The following ZNF654 variants were observed in gnomAD, a reference collection of about 807,000 sequenced individuals.
ZNF654 encodes the protein melanoma-associated antigen.
In ZNF654, 19 loss-of-function variants were observed where a neutral mutation model predicts 95.3. The ratio of observed to expected loss-of-function variants is 0.20; its 90% confidence interval spans 0.14 to 0.29. ZNF654 has a LOEUF of 0.29. Ranked by LOEUF, ZNF654 falls within the 10% of genes least tolerant of loss-of-function variation. ZNF654 has a pLI of 1.00. For missense variants in ZNF654, 1,046 were observed against 1,341.0 expected (o/e 0.78, Z 3.44); for synonymous variants, 413 against 457.9 (o/e 0.90, Z 1.25).
At chr3:88,064,109 C>CTTTTT (rs34753092) in intron 1 of ZNF654, among the ~76,000 whole-genome samples, 1 of 147,904 alleles carries the variant, frequency 6.8e-6, no homozygotes, top group Non-Finnish European at 1.5e-5. Context: ...CGAGCTTCTT[C>CTTTTT]TTTTTTTTTT....
In ZNF654 at chr3:88,144,498, T is replaced by C. The variant is rs1407480465; in HGVS notation, c.*2846T>C. 6.6e-6 allele frequency: 1 copy of C among 152,418 alleles called. No individual in the cohort carries two copies. The highest frequency in any genetic ancestry group is 1.9e-4 in the East Asian group (1 of 5,198). The allele number at this position is 152,418 out of a possible 1,614,324, so 9.4% of individuals were successfully genotyped here. On this transcript the variant is annotated 3_prime_UTR_variant, in exon 9 of 9. Transcript: ENST00000636215. ...ATTACAGATTCAGCAAGAAAGGAAA[T>C]TTGTGCTTCCTTGTTGAATGTTAAA...
In ZNF654 at chr3:88,140,024, C is replaced by G. The variant is rs753558140; in HGVS notation, c.2355C>G (p.Ser785Arg). The G allele has an allele frequency of 6.2e-7, 1 of 1,613,672 alleles. No individual in the cohort carries two copies. Among genetic ancestry groups the G allele is most frequent in the Non-Finnish European group, 8.5e-7 (1 of 1,179,742 alleles). ...TGCGACAAACAGTAATGAAGTGGAGCAAAGGAAAATGCAAATTTTGTCAAA... is the reference window on the plus strand; with the variant it reads ...TGCGACAAACAGTAATGAAGTGGAGGAAAGGAAAATGCAAATTTTGTCAAA... ...LNVRQTVMKW[S>R]KGKCKFCQRQ... is the part of the protein sequence containing the mutation. Residue 785 changes from serine (S) to arginine (R), a missense_variant, in exon 8 of 9, where the codon AGC (serine) becomes AGG (arginine). Ser to Arg is a moderately radical substitution (Grantham distance 110, BLOSUM62 -1). Around this residue, in one of 9 missense-constraint regions of ZNF654, gnomAD observed 495 missense variants for 537.0 expected, o/e 0.92. Coordinates refer to ENST00000636215, the MANE Select transcript of ZNF654 (RefSeq NM_001350134.2).
At chr3:88,126,357 C>A in intron 4 of ZNF654, 88 bp downstream of exon 4, 2 of 1,259,600 alleles carry the variant, frequency 1.6e-6, no homozygotes, top group Non-Finnish European at 2.0e-6. Context: ...AGTAATTTTT[C>A]TTCATTTTAT....
chr3:88,076,488 C>G (rs1193763807), intron 1 of ZNF654, among the ~76,000 whole-genome samples: 1 of 152,060 alleles, frequency 6.6e-6, no homozygotes, highest in Non-Finnish European at 1.5e-5. Context: ...AAGGAAGTCC[C>G]TCTTTTCTTT....
chr3:88,141,163 A>C, intron 8 of ZNF654, 115 bp downstream of exon 8: 1 of 1,186,794 alleles, frequency 8.4e-7, no homozygotes, highest in Non-Finnish European at 1.2e-6. Flanking sequence ...ACAGGTAGTG[A>C]AGCATTACTC....
At chr3:88,110,539 CTA>C (rs1705025493) in intron 2 of ZNF654, among the ~76,000 whole-genome samples, 1 of 152,080 alleles carries the variant, frequency 6.6e-6, no homozygotes, top group Non-Finnish European at 1.5e-5. Context: ...TTCTCATGTA[CTA>C]TACAAAAACT....
intron 1 of ZNF654, among the ~76,000 whole-genome samples, chr3:88,071,660 C>T (rs866883417): frequency 5.1e-5 from 7 of 138,414 alleles, no homozygotes; most frequent in South Asian, 2.4e-4. Context: ...AAAAATTAGC[C>T]GGGCGTGGTG....
intron 1 of ZNF654, among the ~76,000 whole-genome samples, chr3:88,079,697 T>A (rs537243154): frequency 8.6e-5 from 13 of 152,012 alleles, no homozygotes; most frequent in Admixed American, 2.0e-4. Context: ...ACAGTATGAT[T>A]GTATGGAATA....
intron 2 of ZNF654, among the ~76,000 whole-genome samples, chr3:88,087,947 C>G (rs753728714): frequency 5.3e-5 from 8 of 152,130 alleles, no homozygotes; most frequent in African/African-American, 1.4e-4. Flanking sequence ...AAAGGAAACG[C>G]TCATTGGAAC....
chr3:88,141,199 C>T (rs1208160142), intron 8 of ZNF654, 151 bp downstream of exon 8: 12 of 861,638 alleles, frequency 1.4e-5, no homozygotes, highest in Admixed American at 3.1e-5. Context: ...TTAATACATA[C>T]AACCACTATG....
chr3:88,139,492 A>G lies in ZNF654; in HGVS notation c.1823A>G (p.Gln608Arg). The G allele has an allele frequency of 3.1e-6, 5 of 1,613,746 alleles. No homozygotes were observed. The highest frequency in any genetic ancestry group is 4.2e-6 in the Non-Finnish European group (5 of 1,179,772). ...AGGCAGCAAATTGCTGCAGCTCAACAGGATGATCAGGAAGTCACTGCTTTG... is the reference window on the plus strand; with the variant it reads ...AGGCAGCAAATTGCTGCAGCTCAACGGGATGATCAGGAAGTCACTGCTTTG... ...IQRQQIAAAQ[Q>R]DDQEVTALEE... Residue 608 changes from glutamine to arginine, a missense_variant, in exon 8 of 9, where the codon CAG becomes CGG. Gln to Arg is a conservative substitution (Grantham distance 43). Around this residue, in one of 9 missense-constraint regions of ZNF654, gnomAD observed 495 missense variants for 537.0 expected, o/e 0.92. Transcript: ENST00000636215.
intron 2 of ZNF654, among the ~76,000 whole-genome samples, chr3:88,089,862 A>G (rs1034898208): frequency 1.3e-5 from 2 of 152,208 alleles, no homozygotes; most frequent in Admixed American, 1.3e-4. Context: ...AGAATAAGTC[A>G]TGCGCTGCAT....
At chr3:88,067,244 A>G (rs556116741) in intron 1 of ZNF654, among the ~76,000 whole-genome samples, 7 of 152,340 alleles carry the variant, frequency 4.6e-5, no homozygotes, top group African/African-American at 1.7e-4. Context: ...AATGGGAACT[A>G]ATAGCTTGAC....
chr3:88,098,042 G>A (rs963281516), intron 2 of ZNF654, among the ~76,000 whole-genome samples: 6 of 152,104 alleles, frequency 3.9e-5, no homozygotes, highest in African/African-American at 9.7e-5. Context: ...CAATCCAGGA[G>A]CTGGGTTTTT....
intron 1 of ZNF654, among the ~76,000 whole-genome samples, chr3:88,067,544 G>A (rs1576189835): frequency 6.6e-6 from 1 of 152,328 alleles, no homozygotes; most frequent in East Asian, 1.9e-4. Flanking sequence ...CAGTAGGAAA[G>A]GATGAGTCTT....
chr3:88,068,320 G>C (rs1707317698), intron 1 of ZNF654, among the ~76,000 whole-genome samples: 2 of 152,202 alleles, frequency 1.3e-5, no homozygotes, highest in East Asian at 3.9e-4. Context: ...GAAAGGGACA[G>C]GTTCATTTTC....
chr3:88,103,212 G>A (rs1422021199), intron 2 of ZNF654, among the ~76,000 whole-genome samples: 1 of 152,026 alleles, frequency 6.6e-6, no homozygotes, highest in African/African-American at 2.4e-5. Context: ...AAAGCAATCA[G>A]TAGAACTAGA....
chr3:88,060,882 A>C (rs980091410), intron 1 of ZNF654, among the ~76,000 whole-genome samples: 27 of 152,072 alleles, frequency 1.8e-4, no homozygotes, highest in African/African-American at 6.3e-4. Context: ...TTTTCAGGTA[A>C]GTTTTTAATG....
chr3:88,097,037 T>C lies in ZNF654; in HGVS notation c.332+10635T>C, dbSNP rs183830631. Among the ~76,000 whole-genome samples, 814 of 152,270 alleles carry C rather than the reference T, an allele frequency of 5.3e-3. 5 individuals carry two copies. Among genetic ancestry groups the C allele is most frequent in the African/African-American group, 0.017 (699 of 41,562 alleles). On this transcript the variant is annotated intron_variant, in intron 2 of 8. Transcript: ENST00000636215. ...CATTGGCTGTAGAGTATTTCACTCT[T>C]ATGTGTATATCAAAATGTAATTAAC...
Sources: allele counts gnomAD v4.1 joint callset (sites outside exome capture counted in the v4.1 genomes callset), GRCh38; gene constraint gnomAD v4.1.1; regional missense constraint gnomAD v4.1.1; transcripts MANE v1.5; gene names NCBI Gene and HGNC (gene_info 2026-07-23, HGNC 2026-07-21).